The following SLC39A8 variants were observed in gnomAD, a reference collection of about 807,000 sequenced individuals.
SLC39A8 encodes the protein solute carrier family 39 member 8, also known as metal cation symporter ZIP8.
SLC39A8 carries 15 observed loss-of-function variants against 40.4 expected under a neutral mutation model. The ratio of observed to expected loss-of-function variants is 0.37; its 90% CI spans 0.25 to 0.57. The LOEUF (loss-of-function observed/expected upper bound fraction) is 0.57, where lower values mean the gene tolerates loss of function less well. Ranked by LOEUF, SLC39A8 falls within the 20% of genes least tolerant of loss-of-function variation. SLC39A8 has a pLI of 0.75. For synonymous variants in SLC39A8, 223 were observed against 221.6 expected (o/e 1.01, Z -0.06); for missense variants, 472 against 558.8 (o/e 0.84, Z 1.57).
At chr4:102,285,947 A>C (rs975333950) in intron 6 of SLC39A8, among the ~76,000 whole-genome samples, 1 of 152,200 alleles carries the variant, frequency 6.6e-6, no homozygotes, top group African/African-American at 2.4e-5. Flanking sequence ...AAAGTTACTC[A>C]CCAGGTCTTG....
intron 6 of SLC39A8, among the ~76,000 whole-genome samples, chr4:102,274,482 T>A (rs894809819): frequency 6.6e-6 from 1 of 152,226 alleles, no homozygotes; most frequent in Non-Finnish European, 1.5e-5. Context: ...TTGATTGGTG[T>A]ACCTGAAAGT....
At chr4:102,337,302 T>C (rs1735712998) in intron 2 of SLC39A8, among the ~76,000 whole-genome samples, 1 of 151,126 alleles carries the variant, frequency 6.6e-6, no homozygotes, top group Non-Finnish European at 1.5e-5. Flanking sequence ...TTATTATGGT[T>C]GAAAAGTAAT....
intron 6 of SLC39A8, among the ~76,000 whole-genome samples, chr4:102,299,359 A>G (rs921785055): frequency 2.0e-5 from 3 of 150,862 alleles, no homozygotes; most frequent in African/African-American, 7.3e-5. Context: ...TATTTCAGTT[A>G]TGTTATGGAA....
intron 6 of SLC39A8, among the ~76,000 whole-genome samples, chr4:102,271,446 A>C (rs1468321995): frequency 6.6e-6 from 1 of 152,218 alleles, no homozygotes; most frequent in Non-Finnish European, 1.5e-5. Context: ...TATAAAGCAC[A>C]GAGTGGTGCA....
intron 2 of SLC39A8, among the ~76,000 whole-genome samples, chr4:102,332,324 A>G (rs1044165500): frequency 6.6e-6 from 1 of 152,222 alleles, no homozygotes; most frequent in Admixed American, 6.5e-5. Context: ...TACAAGAACA[A>G]AAACAAACAA....
Position 102,344,626 on chromosome 4 carries a change from G to A in SLC39A8, c.37C>T (p.Leu13=). The change falls in exon 2 of 9, where the codon CTG becomes TTG. Residue 13 remains leucine (L), a synonymous_variant. Transcript: ENST00000356736. ...PGRAVAGLLL[L]AAAGLGGVAE... ...ACTCCTCCGAGGCCGGCGGCCGCCA[G>A]CAACAGGAGCCCGGCCACCGCGCGA... 2 of 1,539,550 alleles carry A rather than the reference G, an allele frequency of 1.3e-6. No individual in the cohort carries two copies. Among genetic ancestry groups the A allele is most frequent in the Non-Finnish European group, 1.7e-6 (2 of 1,143,208 alleles).
chr4:102,311,009 G>A (rs112034372), intron 3 of SLC39A8, among the ~76,000 whole-genome samples: 1 of 152,072 alleles, frequency 6.6e-6, no homozygotes, highest in Non-Finnish European at 1.5e-5. Flanking sequence ...GAGGAAATAT[G>A]GTTCTATTAT....
Position 102,262,244 on chromosome 4 carries a change from C to A in SLC39A8, c.*800G>T, listed in dbSNP as rs1731896662. ...CAACATATTCTTCACCTTCACAAAG[C>A]AAACACATGGTGCACTGAAACCGAG... On this transcript the variant is annotated 3_prime_UTR_variant, in exon 9 of 9. Coordinates refer to ENST00000356736, the MANE Select transcript of SLC39A8 (RefSeq NM_001135146.2). The A allele has an allele frequency of 1.0e-6, 1 of 985,766 alleles. No individual in the cohort carries two copies. Among genetic ancestry groups the A allele is most frequent in the African/African-American group, 1.7e-5 (1 of 57,224 alleles). 61.1% of individuals were successfully genotyped at this position (985,766 alleles called of 1,614,324 possible). A position where few individuals can be genotyped will look rare whatever the true frequency, so the allele number is the denominator to read the frequency against.
At chr4:102,277,389 A>G (rs907250779) in intron 6 of SLC39A8, among the ~76,000 whole-genome samples, 2 of 152,182 alleles carry the variant, frequency 1.3e-5, no homozygotes, top group Admixed American at 6.6e-5. Flanking sequence ...TTCATTCACA[A>G]TTGCTACCAA....
chr4:102,283,032 G>A (rs939437245), intron 6 of SLC39A8, among the ~76,000 whole-genome samples: 2 of 152,126 alleles, frequency 1.3e-5, no homozygotes, highest in Non-Finnish European at 2.9e-5. Flanking sequence ...AGCCCTCAAG[G>A]CAGAAGACTT....
chr4:102,321,621 A>G (rs568803003), intron 2 of SLC39A8, among the ~76,000 whole-genome samples: 8 of 152,342 alleles, frequency 5.3e-5, no homozygotes, highest in East Asian at 3.9e-4. Flanking sequence ...AGAACCCAGT[A>G]TAAGCTGAAC....
At chr4:102,283,306 A>G (rs1427922214) in intron 6 of SLC39A8, among the ~76,000 whole-genome samples, 2 of 152,214 alleles carry the variant, frequency 1.3e-5, no homozygotes, top group African/African-American at 4.8e-5. Context: ...TTGTGCCCAG[A>G]CTATTTGACT....
At chr4:102,271,122 G>C (rs1008208309) in intron 6 of SLC39A8, among the ~76,000 whole-genome samples, 3 of 152,024 alleles carry the variant, frequency 2.0e-5, no homozygotes, top group African/African-American at 7.2e-5. Flanking sequence ...ACAAGGTGGA[G>C]CATGTGGAGA....
intron 3 of SLC39A8, among the ~76,000 whole-genome samples, chr4:102,314,612 A>G (rs1219591641): frequency 6.6e-6 from 1 of 152,024 alleles, no homozygotes; most frequent in Non-Finnish European, 1.5e-5. Context: ...CTCATTGCCA[A>G]GCTATGTTGG....
intron 4 of SLC39A8, among the ~76,000 whole-genome samples, chr4:102,305,411 A>T (rs1734126910): frequency 6.6e-6 from 1 of 151,986 alleles, no homozygotes; most frequent in African/African-American, 2.4e-5. Flanking sequence ...GTAAACTTTT[A>T]GCAGTAAAGC....
chr4:102,310,451 A>G (rs1734383806), intron 3 of SLC39A8, among the ~76,000 whole-genome samples: 2 of 152,174 alleles, frequency 1.3e-5, no homozygotes, highest in South Asian at 4.1e-4. Context: ...TCCACGAAAA[A>G]GCACACATTC....
chr4:102,279,051 C>T lies in SLC39A8; in HGVS notation c.841-10972G>A, dbSNP rs150294232. Among the ~76,000 whole-genome samples the T allele has an allele frequency of 6.3e-3, 950 of 151,808 alleles. 11 individuals carry two copies. The highest frequency in any genetic ancestry group is 0.022 in the African/African-American group (898 of 41,376). On this transcript the variant is annotated intron_variant, in intron 6 of 8. Coordinates refer to ENST00000356736, the MANE Select transcript of SLC39A8 (RefSeq NM_001135146.2). ...TAGGAGAAATAACTAATGTAGATGA[C>T]GGGTTGATGGATGCAGCAAATCACC...
At chr4:102,345,017 C>T (rs1052165566) in intron 1 of SLC39A8, 102 bp from the exon 2 acceptor site, 5 of 692,310 alleles carry the variant, frequency 7.2e-6, no homozygotes, top group Non-Finnish European at 9.3e-6. Context: ...AACGCCCGGC[C>T]GGGCATGGGG....
intron 6 of SLC39A8, among the ~76,000 whole-genome samples, chr4:102,278,357 C>T (rs569446611): frequency 6.6e-6 from 1 of 152,304 alleles, no homozygotes; most frequent in South Asian, 2.1e-4. Flanking sequence ...CAAAAGAAGA[C>T]ATTTATGTGG....
Sources: allele counts gnomAD v4.1 joint callset (sites outside exome capture counted in the v4.1 genomes callset), GRCh38; gene constraint gnomAD v4.1.1; transcripts MANE v1.5; gene names NCBI Gene and HGNC (gene_info 2026-07-23, HGNC 2026-07-21).